Variants in RANBP2 observed in about 807,000 individuals in gnomAD.
RANBP2 encodes E3 SUMO-protein ligase RanBP2.
In RANBP2, 57 loss-of-function variants were observed where a neutral mutation model predicts 303.6. The ratio of observed to expected loss-of-function variants is 0.19; its 90% confidence interval spans 0.15 to 0.23. RANBP2 has a LOEUF of 0.23. Ranked by LOEUF, RANBP2 falls within the 10% of genes least tolerant of loss-of-function variation. RANBP2 has a pLI of 1.00. For missense variants in RANBP2, 3,138 were observed against 3,780.8 expected, an observed-to-expected ratio of 0.83 and a Z score of 4.46; for synonymous variants, 1,167 against 1,301.5, an observed-to-expected ratio of 0.90 and a Z score of 2.23.
chr2:108,925,952 G>A, the RANBP2 span, among the ~76,000 whole-genome samples: 1 of 152,178 alleles, frequency 6.6e-6, no homozygotes, highest in East Asian at 1.9e-4. Flanking sequence ...GCTCCAAGAG[G>A]CTGTTATGAA....
At chr2:109,249,502 TTTCTTTCA>T in the RANBP2 span, among the ~76,000 whole-genome samples, 426 of 30,758 alleles carry the variant, frequency 0.014, 10 homozygotes, top group Admixed American at 0.036. Context: ...TCTTTCTTTC[TTTCTTTCA>T]TTCTTTCTTT....
At chr2:109,448,871 AATGTGCCC>A in the RANBP2 span, among the ~76,000 whole-genome samples, 1 of 152,156 alleles carries the variant, frequency 6.6e-6, no homozygotes, top group African/African-American at 2.4e-5. Context: ...TAGAACTGGG[AATGTGCCC>A]ATGTTCATGG....
the RANBP2 span, among the ~76,000 whole-genome samples, chr2:109,559,843 G>T: frequency 6.6e-6 from 1 of 150,466 alleles, no homozygotes; most frequent in African/African-American, 2.5e-5. Context: ...AACAAAAATG[G>T]TTTCTACCTG....
the RANBP2 span, among the ~76,000 whole-genome samples, chr2:108,949,460 G>C: frequency 6.6e-6 from 1 of 152,160 alleles, no homozygotes; most frequent in Non-Finnish European, 1.5e-5. Context: ...CCTCCAGTTG[G>C]CTCTGAATAA....
At position 108,735,829 on chromosome 2, in the gene RANBP2, A is replaced by G. The variant is rs73952512; in HGVS notation, c.636+67A>G. 3,993 of 1,597,492 alleles carry G rather than the reference A, an allele frequency of 2.5e-3. 83 individuals carry two copies. In the African/African-American group the frequency reaches 0.048, roughly 19 times the overall value. On this transcript the variant is annotated intron_variant, in intron 5 of 28. Coordinates refer to ENST00000283195, the MANE Select transcript of RANBP2 (RefSeq NM_006267.5). ...ATTAGCATACATCTTTTTGTACTAA[A>G]GCAGCAGTGCCCCGCAGGACTTAAA...
chr2:108,854,542 C>T, the RANBP2 span, among the ~76,000 whole-genome samples: 11 of 152,208 alleles, frequency 7.2e-5, no homozygotes, highest in African/African-American at 2.4e-4. Context: ...GTTGGTTTTA[C>T]CTGAGATCAG....
chr2:109,430,573 G>T, the RANBP2 span, among the ~76,000 whole-genome samples: 1 of 150,288 alleles, frequency 6.7e-6, no homozygotes, highest in East Asian at 2.0e-4. Context: ...ACCTCTCCCC[G>T]TTCTCCTCTC....
the RANBP2 span, among the ~76,000 whole-genome samples, chr2:109,286,926 A>T: frequency 6.6e-6 from 1 of 152,178 alleles, no homozygotes; most frequent in Non-Finnish European, 1.5e-5. Flanking sequence ...CTGAAAAGAC[A>T]GTGAGCATTT....
At chr2:108,897,677 T>C in the RANBP2 span, among the ~76,000 whole-genome samples, 1 of 152,072 alleles carries the variant, frequency 6.6e-6, no homozygotes, top group Non-Finnish European at 1.5e-5. Flanking sequence ...TAGCCCCAGA[T>C]TGGGGTTATC....
At chr2:109,697,712 C>A in the RANBP2 span, among the ~76,000 whole-genome samples, 16 of 152,052 alleles carry the variant, frequency 1.1e-4, no homozygotes, top group African/African-American at 3.9e-4. Flanking sequence ...ATCTGTTTAC[C>A]TTTTGTTTCT....
the RANBP2 span, among the ~76,000 whole-genome samples, chr2:109,224,481 G>T: frequency 6.6e-6 from 1 of 152,190 alleles, no homozygotes; most frequent in African/African-American, 2.4e-5. Context: ...TCCTGTGTCT[G>T]CTCTGTTCAG....
the RANBP2 span, among the ~76,000 whole-genome samples, chr2:109,369,574 G>T: frequency 6.6e-6 from 1 of 152,188 alleles, no homozygotes. Flanking sequence ...TGAAGCTGGG[G>T]GTTGGGGGAG....
chr2:109,720,772 A>G, the RANBP2 span, among the ~76,000 whole-genome samples: 1 of 152,136 alleles, frequency 6.6e-6, no homozygotes, highest in African/African-American at 2.4e-5. Flanking sequence ...AGGTTACCTG[A>G]TTTGCTCTTC....
At chr2:109,577,307 G>C in the RANBP2 span, among the ~76,000 whole-genome samples, 1 of 152,126 alleles carries the variant, frequency 6.6e-6, no homozygotes, top group Non-Finnish European at 1.5e-5. Context: ...TTAAAAAATA[G>C]AGAACTCGGC....
the RANBP2 span, among the ~76,000 whole-genome samples, chr2:109,118,008 C>T: frequency 1.3e-5 from 2 of 152,102 alleles, no homozygotes; most frequent in Non-Finnish European, 2.9e-5. Context: ...TCCAGGGTTG[C>T]GCCACCCTGG....
the RANBP2 span, among the ~76,000 whole-genome samples, chr2:109,197,060 A>G: frequency 1.3e-5 from 2 of 152,092 alleles, no homozygotes; most frequent in African/African-American, 4.8e-5. Flanking sequence ...AGATGAGTAC[A>G]CTGAGGCACA....
At chr2:109,578,364 G>A in the RANBP2 span, among the ~76,000 whole-genome samples, 1 of 152,180 alleles carries the variant, frequency 6.6e-6, no homozygotes, top group Admixed American at 6.5e-5. Flanking sequence ...ACATAGGAAA[G>A]CTGCAGACAA....
At chr2:108,736,080 C>G in intron 5 of RANBP2, 24 bp from the exon 6 acceptor site, 9 of 1,611,644 alleles carry the variant, frequency 5.6e-6, no homozygotes, top group South Asian at 2.2e-5. Context: ...AGTTTTGTAA[C>G]TTACTGTTCA....
chr2:109,393,129 T>C, the RANBP2 span, among the ~76,000 whole-genome samples: 2 of 152,238 alleles, frequency 1.3e-5, no homozygotes, highest in Non-Finnish European at 2.9e-5. Context: ...GCAAAGGCCA[T>C]TCTTCATCTG....
Sources: allele counts gnomAD v4.1 joint callset (sites outside exome capture counted in the v4.1 genomes callset), GRCh38; gene constraint gnomAD v4.1.1; transcripts MANE v1.5; gene names NCBI Gene and HGNC (gene_info 2026-07-23, HGNC 2026-07-21).